Variants in UBASH3B observed in about 807,000 individuals in gnomAD.
The protein encoded by UBASH3B is ubiquitin associated and SH3 domain containing B.
In UBASH3B, 37 loss-of-function variants were observed where a neutral mutation model predicts 83.4. The ratio of observed to expected loss-of-function variants is 0.44; its 90% CI spans 0.34 to 0.58. UBASH3B has a LOEUF of 0.58. UBASH3B is among the 20% of genes least tolerant of loss of function. The pLI, the probability that UBASH3B is intolerant of heterozygous loss-of-function variation, is 0.01. For missense variants in UBASH3B, 657 were observed against 827.2 expected (o/e 0.79, Z 2.52); for synonymous variants, 304 against 318.3 (o/e 0.96, Z 0.48).
chr11:122,776,880 T>C (rs374834808), intron 2 of UBASH3B, 144 bp from the exon 3 acceptor site: 13 of 692,516 alleles, frequency 1.9e-5, no homozygotes, highest in East Asian at 6.3e-5. Context: ...TTTCCAGAAG[T>C]AGATTTTTAA....
rs73018280 is a variant in UBASH3B at position 122,751,418 on chromosome 11, G to A, written c.162-24801G>A. Among the ~76,000 whole-genome samples the A allele has an allele frequency of 7.0e-3, 1,068 of 152,322 alleles. 6 individuals are homozygous for A. The highest frequency in any genetic ancestry group is 0.011 in the Admixed American group (163 of 15,306). ...CCATCTCTGTCGTCATCTGTCCATT[G>A]GAGGCTCATTGCAGTCTGAAATTGG... On this transcript the variant is annotated intron_variant, in intron 1 of 13. Transcript: ENST00000284273.
chr11:122,746,005 G>C (rs1334334757), intron 1 of UBASH3B, among the ~76,000 whole-genome samples: 1 of 152,228 alleles, frequency 6.6e-6, no homozygotes, highest in Non-Finnish European at 1.5e-5. Context: ...CCCAGAGCCT[G>C]GCACGGGACC....
intron 1 of UBASH3B, among the ~76,000 whole-genome samples, chr11:122,727,306 G>A (rs1435051673): frequency 6.6e-6 from 1 of 152,210 alleles, no homozygotes; most frequent in Non-Finnish European, 1.5e-5. Flanking sequence ...CAGCGAGCCA[G>A]TGTTGGCTGT....
intron 7 of UBASH3B, among the ~76,000 whole-genome samples, chr11:122,795,743 C>T (rs1861142947): frequency 6.6e-6 from 1 of 152,156 alleles, no homozygotes; most frequent in South Asian, 2.1e-4. Context: ...CATTTGTGAT[C>T]ACAGAAGTCC....
chr11:122,776,133 T>G, intron 1 of UBASH3B, 86 bp from the exon 2 acceptor site: 6 of 1,233,570 alleles, frequency 4.9e-6, no homozygotes, highest in Non-Finnish European at 7.0e-6. Flanking sequence ...CAGGCTTTGA[T>G]GTCGCCTCCT....
intron 1 of UBASH3B, among the ~76,000 whole-genome samples, chr11:122,690,214 T>TATATATATA (rs1863873410): frequency 5.7e-5 from 3 of 52,666 alleles, no homozygotes; most frequent in Non-Finnish European, 9.9e-5. Flanking sequence ...ATATATCCAA[T>TATATATATA]TATATATATA....
At chr11:122,707,054 T>A (rs1413149767) in intron 1 of UBASH3B, among the ~76,000 whole-genome samples, 1 of 152,172 alleles carries the variant, frequency 6.6e-6, no homozygotes, top group Non-Finnish European at 1.5e-5. Flanking sequence ...GATTAAAACA[T>A]CCTTACTTTT....
intron 1 of UBASH3B, among the ~76,000 whole-genome samples, chr11:122,710,200 T>G (rs140791366): frequency 1.8e-4 from 26 of 144,114 alleles, no homozygotes; most frequent in African/African-American, 6.7e-4. Flanking sequence ...TTTAAGATAA[T>G]CATAATAAAC....
intron 1 of UBASH3B, among the ~76,000 whole-genome samples, chr11:122,721,244 CAAAAAAA>C (rs34298191): frequency 1.4e-5 from 1 of 73,154 alleles, no homozygotes; most frequent in African/African-American, 5.4e-5. Context: ...GACTGTGTCT[CAAAAAAA>C]AAAAAAAAAA....
chr11:122,656,148 C>G lies in UBASH3B; in HGVS notation c.99C>G (p.Gly33=), dbSNP rs140079462. The change falls in exon 1 of 14, where the codon GGC becomes GGG. Residue 33 remains glycine (G), a synonymous_variant. Coordinates refer to ENST00000284273, the MANE Select transcript of UBASH3B (RefSeq NM_032873.5). ...TPRRNRQQRP[G]TIKHGSALDV... ...GGAGGAACCGCCAACAGCGCCCCGG[C>G]ACCATCAAGCATGGATCGGCGCTGG... 1.3e-5 allele frequency: 21 copies of G among 1,585,804 alleles called. No homozygotes were observed. The African/African-American group carries it at 2.7e-4, about 21-fold the overall frequency.
intron 6 of UBASH3B, 75 bp from the exon 7 acceptor site, chr11:122,794,627 T>G: frequency 6.3e-7 from 1 of 1,597,308 alleles, no homozygotes; most frequent in Admixed American, 1.7e-5. Context: ...ACTCCCACAC[T>G]CCTGTTGAGC....
intron 1 of UBASH3B, among the ~76,000 whole-genome samples, chr11:122,750,970 C>CA (rs1376826894): frequency 1.3e-5 from 2 of 152,204 alleles, no homozygotes; most frequent in African/African-American, 4.8e-5. Context: ...GTGCATTGAA[C>CA]ACTGACAGTG....
intron 1 of UBASH3B, among the ~76,000 whole-genome samples, chr11:122,657,340 G>C (rs2135886189): frequency 6.6e-6 from 1 of 152,078 alleles, no homozygotes; most frequent in East Asian, 1.9e-4. Flanking sequence ...TGTGTCGCCA[G>C]GCTAGAGTGC....
intron 1 of UBASH3B, among the ~76,000 whole-genome samples, chr11:122,750,147 C>T (rs1241812992): frequency 1.3e-5 from 2 of 152,176 alleles, no homozygotes; most frequent in Non-Finnish European, 2.9e-5. Context: ...TCCTGTGACC[C>T]CATATTCAGT....
At chr11:122,719,103 T>C (rs1860579584) in intron 1 of UBASH3B, among the ~76,000 whole-genome samples, 1 of 152,246 alleles carries the variant, frequency 6.6e-6, no homozygotes, top group Non-Finnish European at 1.5e-5. Context: ...AATCTAAGCA[T>C]GATTACGTTA....
chr11:122,711,428 A>G (rs1864189903), intron 1 of UBASH3B, among the ~76,000 whole-genome samples: 1 of 152,248 alleles, frequency 6.6e-6, no homozygotes, highest in Admixed American at 6.5e-5. Flanking sequence ...GTCACCCCTG[A>G]GTCCAAGGGA....
chr11:122,746,402 C>G (rs1232108117), intron 1 of UBASH3B, among the ~76,000 whole-genome samples: 1 of 152,182 alleles, frequency 6.6e-6, no homozygotes, highest in Non-Finnish European at 1.5e-5. Context: ...ACTCAAACCA[C>G]TGTATTGACG....
intron 1 of UBASH3B, among the ~76,000 whole-genome samples, chr11:122,664,529 C>G (rs891773650): frequency 2.6e-5 from 4 of 152,182 alleles, no homozygotes; most frequent in African/African-American, 9.7e-5. Flanking sequence ...TATGGAGAAT[C>G]TGTGGTTTTT....
intron 1 of UBASH3B, among the ~76,000 whole-genome samples, chr11:122,710,717 A>T (rs1864180120): frequency 1.3e-5 from 2 of 148,812 alleles, no homozygotes; most frequent in African/African-American, 4.9e-5. Context: ...GCTGGGGAGA[A>T]TTGGGGAGGG....
Sources: allele counts gnomAD v4.1 joint callset (sites outside exome capture counted in the v4.1 genomes callset), GRCh38; gene constraint gnomAD v4.1.1; transcripts MANE v1.5; gene names NCBI Gene and HGNC (gene_info 2026-07-23, HGNC 2026-07-21).